The following ROBO2 variants were observed in gnomAD, a reference collection of about 807,000 sequenced individuals.
ROBO2 encodes roundabout homolog 2.
ROBO2 carries 53 observed loss-of-function variants against 160.8 expected under a neutral mutation model. That is an observed-to-expected ratio of 0.33 (90% confidence interval 0.26 to 0.41). The LOEUF is 0.41. Ranked by LOEUF, ROBO2 falls within the 10% of genes least tolerant of loss-of-function variation. The pLI, the probability that ROBO2 is intolerant of heterozygous loss-of-function variation, is 1.00. For missense variants in ROBO2, 1,577 were observed against 1,722.4 expected, an observed-to-expected ratio of 0.92 and a Z score of 1.49; for synonymous variants, 664 against 611.7, an observed-to-expected ratio of 1.09 and a Z score of -1.26.
chr3:76,569,519 A>G (rs2084828568), intron 2 of ROBO2, among the ~76,000 whole-genome samples: 1 of 152,178 alleles, frequency 6.6e-6, no homozygotes. Context: ...AATTATAAAC[A>G]ATGAATTATG....
chr3:76,743,045 A>G (rs895875983), intron 2 of ROBO2, among the ~76,000 whole-genome samples: 1 of 152,154 alleles, frequency 6.6e-6, no homozygotes, highest in African/African-American at 2.4e-5. Context: ...AGGCTTTCTG[A>G]CATCACAATA....
chr3:76,911,195 C>G (rs1396081090), intron 2 of ROBO2, among the ~76,000 whole-genome samples: 1 of 152,106 alleles, frequency 6.6e-6, no homozygotes, highest in Non-Finnish European at 1.5e-5. Flanking sequence ...AAACTCCTTT[C>G]CAAGGAAATG....
At chr3:76,998,360 G>A (rs2061148012) in intron 2 of ROBO2, among the ~76,000 whole-genome samples, 1 of 152,088 alleles carries the variant, frequency 6.6e-6, no homozygotes, top group Non-Finnish European at 1.5e-5. Flanking sequence ...AAGAGAGGGA[G>A]AAAGAGAGAA....
chr3:77,493,396 A>G lies in ROBO2; in HGVS notation c.806+14A>G, dbSNP rs2086380833. Reference sequence around the variant, plus strand: ...GCCAAGAGGAAGGTAAGACCAACATATGGATGGAAGATTGTTAGATAACCA... The same window carrying G: ...GCCAAGAGGAAGGTAAGACCAACATGTGGATGGAAGATTGTTAGATAACCA... On this transcript the variant is annotated intron_variant, in intron 5 of 25. Transcript: ENST00000461745. 1 of 1,613,632 alleles carries G rather than the reference A, an allele frequency of 6.2e-7. No homozygotes were observed. The highest frequency in any genetic ancestry group is 2.2e-5 in the East Asian group (1 of 44,848).
chr3:76,233,368 T>A (rs1704739083), intron 2 of ROBO2, among the ~76,000 whole-genome samples: 1 of 152,100 alleles, frequency 6.6e-6, no homozygotes, highest in African/African-American at 2.4e-5. Context: ...GGTCTCAAAC[T>A]CCTGACCTGA....
intron 2 of ROBO2, among the ~76,000 whole-genome samples, chr3:76,369,670 G>T (rs1168991893): frequency 1.3e-5 from 2 of 151,888 alleles, no homozygotes; most frequent in African/African-American, 4.8e-5. Flanking sequence ...CTAAAACTGG[G>T]CTCTATCTTT....
intron 2 of ROBO2, among the ~76,000 whole-genome samples, chr3:76,137,821 C>A (rs2071486311): frequency 6.6e-6 from 1 of 151,904 alleles, no homozygotes; most frequent in Non-Finnish European, 1.5e-5. Flanking sequence ...CTCTCTAATT[C>A]TTCTGTTTTA....
intron 2 of ROBO2, among the ~76,000 whole-genome samples, chr3:76,007,393 G>A (rs2066053457): frequency 6.6e-6 from 1 of 152,034 alleles, no homozygotes; most frequent in South Asian, 2.1e-4. Context: ...AGTTACACAT[G>A]GATATCCTCC....
At chr3:77,001,421 TGTGA>T (rs1559826840) in intron 2 of ROBO2, among the ~76,000 whole-genome samples, 1 of 152,166 alleles carries the variant, frequency 6.6e-6, no homozygotes, top group Non-Finnish European at 1.5e-5. Context: ...TAAAAATAGT[TGTGA>T]GTATCACAAT....
At chr3:76,435,150 G>T in intron 2 of ROBO2, 2 of 995,720 alleles carry the variant, frequency 2.0e-6, no homozygotes, top group Non-Finnish European at 3.2e-6. Flanking sequence ...GGTATTTGAT[G>T]ACATGGTGGG....
intron 2 of ROBO2, among the ~76,000 whole-genome samples, chr3:77,197,322 T>C (rs1057137229): frequency 2.6e-5 from 4 of 152,180 alleles, no homozygotes; most frequent in African/African-American, 7.2e-5. Context: ...TAATGAGCAA[T>C]AGACAACCTC....
chr3:76,805,489 C>T (rs908465266), intron 2 of ROBO2, among the ~76,000 whole-genome samples: 1 of 150,924 alleles, frequency 6.6e-6, no homozygotes, highest in Non-Finnish European at 1.5e-5. Context: ...TATGTTCCCC[C>T]CATATATATA....
At chr3:77,181,592 C>T (rs2080787684) in intron 2 of ROBO2, among the ~76,000 whole-genome samples, 2 of 151,962 alleles carry the variant, frequency 1.3e-5, no homozygotes, top group Admixed American at 6.6e-5. Flanking sequence ...AAATGTATCC[C>T]CCCTTCTAAA....
chr3:77,116,422 G>T (rs1053435348), intron 2 of ROBO2, among the ~76,000 whole-genome samples: 13 of 152,104 alleles, frequency 8.5e-5, no homozygotes, highest in African/African-American at 3.1e-4. Context: ...TTTCAGAAGA[G>T]AACTTTATCT....
At chr3:76,057,692 A>G (rs901933818) in intron 2 of ROBO2, among the ~76,000 whole-genome samples, 5 of 152,108 alleles carry the variant, frequency 3.3e-5, no homozygotes, top group African/African-American at 1.2e-4. Flanking sequence ...GCCGCCGACC[A>G]ACAAGACCAG....
chr3:76,306,595 T>G (rs2107762249), intron 2 of ROBO2, among the ~76,000 whole-genome samples: 2 of 152,266 alleles, frequency 1.3e-5, no homozygotes, highest in Middle Eastern at 3.4e-3. Context: ...AAAATCAAAC[T>G]TCAAATGACA....
At chr3:76,932,414 A>G (rs1461605185) in intron 2 of ROBO2, among the ~76,000 whole-genome samples, 1 of 138,262 alleles carries the variant, frequency 7.2e-6, no homozygotes, top group Non-Finnish European at 1.6e-5. Context: ...TTGCATGCAT[A>G]TGTTTAGAAA....
chr3:76,553,010 T>A (rs1464928422), intron 2 of ROBO2, among the ~76,000 whole-genome samples: 1 of 152,074 alleles, frequency 6.6e-6, no homozygotes, highest in Non-Finnish European at 1.5e-5. Flanking sequence ...GCAAGTTTGG[T>A]GAATGGATGG....
chr3:76,978,657 TC>T (rs1193235768), intron 2 of ROBO2, among the ~76,000 whole-genome samples: 2 of 152,118 alleles, frequency 1.3e-5, no homozygotes, highest in East Asian at 3.9e-4. Context: ...GTTGTCTATG[TC>T]TCAGAGAAAT....
Sources: gnomAD v4.1 joint callset for allele counts (sites outside exome capture counted in the v4.1 genomes callset) on GRCh38, gnomAD v4.1.1 for gene constraint, MANE v1.5 for transcripts, NCBI Gene and HGNC (gene_info 2026-07-23, HGNC 2026-07-21) for gene names.